The following EXOC4 variants were observed in gnomAD, a reference collection of about 807,000 sequenced individuals.
The protein encoded by EXOC4 is SEC8-like 1.
EXOC4 carries 71 observed loss-of-function variants against 107.2 expected under a neutral mutation model. The ratio of observed to expected loss-of-function variants is 0.66; its 90% confidence interval spans 0.55 to 0.81. EXOC4 has a LOEUF of 0.81. Ranked by LOEUF, EXOC4 falls within the 30% of genes least tolerant of loss-of-function variation. The pLI is 0.00. For synonymous variants in EXOC4, 456 were observed against 441.2 expected (o/e 1.03, Z -0.42); for missense variants, 1,108 against 1,189.6 (o/e 0.93, Z 1.01).
At chr7:133,637,232 C>A (rs1369922080) in intron 10 of EXOC4, among the ~76,000 whole-genome samples, 1 of 152,110 alleles carries the variant, frequency 6.6e-6, no homozygotes, top group South Asian at 2.1e-4. Context: ...TTATTTTATA[C>A]TTTTTGTTTT....
chr7:133,695,785 T>G (rs1794520790), intron 10 of EXOC4, among the ~76,000 whole-genome samples: 1 of 152,192 alleles, frequency 6.6e-6, no homozygotes, highest in Non-Finnish European at 1.5e-5. Flanking sequence ...TTTACAAATT[T>G]GAAATGGAAT....
At chr7:134,099,715 A>G in the EXOC4 span, among the ~76,000 whole-genome samples, 1 of 151,112 alleles carries the variant, frequency 6.6e-6, no homozygotes, top group African/African-American at 2.4e-5. Flanking sequence ...TATTTTTAGT[A>G]GAGACGGGGT....
At chr7:133,521,109 A>G (rs969272564) in intron 9 of EXOC4, among the ~76,000 whole-genome samples, 14 of 152,322 alleles carry the variant, frequency 9.2e-5, no homozygotes, top group Non-Finnish European at 1.5e-4. Context: ...TAAATTTTCA[A>G]AATGACGTTT....
At chr7:133,844,485 G>C (rs996283796) in intron 11 of EXOC4, among the ~76,000 whole-genome samples, 23 of 145,208 alleles carry the variant, frequency 1.6e-4, no homozygotes, top group Non-Finnish European at 2.8e-4. Flanking sequence ...TGCTTCCCAG[G>C]TTCAAGGGAT....
rs1563014542 is a variant in EXOC4, at chr7:133,823,845, ATAT to A, written c.1734+6302_1734+6304del. On this transcript the variant is annotated intron_variant, in intron 11 of 17. Transcript: ENST00000253861. The stretch of plus-strand genomic sequence containing the variant: ...ACATACATATATATATATATATATT[ATAT>A]ATATATATATATATATATATATATT... Among the ~76,000 whole-genome samples, 9 of 1,580 alleles carry A rather than the reference ATAT, an allele frequency of 5.7e-3. No homozygotes were observed. The East Asian group carries it at 0.078, about 14-fold the overall frequency. The allele number at this position is 1,580 out of a possible 152,430, so 1.0% of individuals were successfully genotyped here.
intron 9 of EXOC4, among the ~76,000 whole-genome samples, chr7:133,585,637 A>C (rs1173775313): frequency 2.6e-5 from 4 of 152,094 alleles, no homozygotes; most frequent in African/African-American, 9.7e-5. Context: ...GAAAAAAAAA[A>C]AAGTAGCTGT....
intron 10 of EXOC4, among the ~76,000 whole-genome samples, chr7:133,803,680 CCTTTT>C (rs1159514416): frequency 2.0e-5 from 3 of 152,122 alleles, no homozygotes; most frequent in Non-Finnish European, 4.4e-5. Flanking sequence ...CAGGAAGACA[CCTTTT>C]CTTTATTATC....
intron 14 of EXOC4, among the ~76,000 whole-genome samples, chr7:133,958,027 G>A (rs895180416): frequency 2.6e-5 from 4 of 152,158 alleles, no homozygotes; most frequent in East Asian, 3.9e-4. Context: ...ATGGGGCCTC[G>A]TGATACTTCC....
chr7:133,429,908 A>G (rs1797815965), intron 7 of EXOC4, among the ~76,000 whole-genome samples: 1 of 152,212 alleles, frequency 6.6e-6, no homozygotes, highest in South Asian at 2.1e-4. Flanking sequence ...GGAATGGGGA[A>G]CACACAGGCA....
chr7:133,858,384 G>A (rs1350495760), intron 11 of EXOC4, among the ~76,000 whole-genome samples: 1 of 152,130 alleles, frequency 6.6e-6, no homozygotes, highest in Non-Finnish European at 1.5e-5. Flanking sequence ...GTGCTGATTG[G>A]TTCATGGTTG....
chr7:133,998,957 G>GA (rs1353871638), intron 15 of EXOC4, among the ~76,000 whole-genome samples: 1 of 152,066 alleles, frequency 6.6e-6, no homozygotes, highest in Admixed American at 6.6e-5. Context: ...GCAATAAGAG[G>GA]AAAGACTCAA....
chr7:133,604,706 C>CCTTCTTTTTTTTTT (rs1191856891), intron 9 of EXOC4, among the ~76,000 whole-genome samples: 8 of 87,532 alleles, frequency 9.1e-5, no homozygotes, highest in African/African-American at 3.5e-4. Flanking sequence ...TTCCTTCCTT[C>CCTTCTTTTTTTTTT]TTTCTTTTTT....
Position 134,020,546 on chromosome 7 carries a change from T to A in EXOC4, c.2687+12711T>A, listed in dbSNP as rs544759395. Among the ~76,000 whole-genome samples, 4 of 152,238 alleles carry A rather than the reference T, an allele frequency of 2.6e-5. No homozygotes were observed. The South Asian group carries it at 8.3e-4, about 32-fold the overall frequency. ...TCACCATTATTACTCTCAGTTAACA[T>A]GTGTAGACATTGAGGCAGAGTCGGG... is the stretch of plus-strand genomic sequence containing the variant. On this transcript the variant is annotated intron_variant, in intron 17 of 17. Coordinates refer to ENST00000253861, the MANE Select transcript of EXOC4 (RefSeq NM_021807.4).
At chr7:134,072,388 G>A in the EXOC4 span, among the ~76,000 whole-genome samples, 1 of 152,176 alleles carries the variant, frequency 6.6e-6, no homozygotes, top group African/African-American at 2.4e-5. Context: ...GCTGTTTGTG[G>A]TGGTGGTGGT....
chr7:133,768,539 G>T (rs1796183049), intron 10 of EXOC4: 1 of 151,936 alleles, frequency 6.6e-6, no homozygotes, highest in African/African-American at 2.4e-5. Context: ...AGTTCAAACT[G>T]TCACCAAGAT....
intron 12 of EXOC4, among the ~76,000 whole-genome samples, chr7:133,914,771 A>AG (rs1245723889): frequency 6.6e-6 from 1 of 152,220 alleles, no homozygotes; most frequent in Non-Finnish European, 1.5e-5. Context: ...ACAGAGGATA[A>AG]GTTCCATTGA....
At chr7:133,602,059 A>G (rs1801821252) in intron 9 of EXOC4, 1 of 152,238 alleles carries the variant, frequency 6.6e-6, no homozygotes, top group Non-Finnish European at 1.5e-5. Flanking sequence ...CAGTTGGGTG[A>G]CTGCATGCCT....
chr7:134,082,233 C>A, the EXOC4 span, among the ~76,000 whole-genome samples: 1 of 151,964 alleles, frequency 6.6e-6, no homozygotes, highest in Non-Finnish European at 1.5e-5. Context: ...GTAGATTATT[C>A]ATGAGTTTTC....
rs367976819 is a variant in EXOC4, at chr7:133,938,031, G to A, written c.2168G>A (p.Arg723Gln). The change falls in exon 14 of 18, where the codon CGA becomes CAA. Residue 723 changes from arginine to glutamine, a missense_variant. Transcript: ENST00000253861. ...MHESLEWLAS[R>Q]TKSAFSNLST... ...GAAAGCCTGGAATGGTTGGCAAGTC[G>A]AACAAAGTCAGCTTTCTCCAATCTT... 1.2e-4 allele frequency: 190 copies of A among 1,614,110 alleles called. 2 individuals are homozygous for A. The South Asian group carries it at 1.9e-3, about 16-fold the overall frequency.
Sources: gnomAD v4.1 joint callset for allele counts (sites outside exome capture counted in the v4.1 genomes callset) on GRCh38, gnomAD v4.1.1 for gene constraint, MANE v1.5 for transcripts, NCBI Gene and HGNC (gene_info 2026-07-23, HGNC 2026-07-21) for gene names.